Variants in RERGL observed in about 807,000 individuals in gnomAD.
The protein encoded by RERGL is ras-related and estrogen-regulated growth inhibitor-like protein.
In RERGL, 22 loss-of-function variants were observed where a neutral mutation model predicts 24.7. The observed-to-expected ratio is 0.89, with a 90% CI of 0.64 to 1.27. The LOEUF (loss-of-function observed/expected upper bound fraction) is 1.27. Ranked by LOEUF, RERGL falls within the 50% of genes most tolerant of loss-of-function variation. The pLI, the probability that RERGL is intolerant of heterozygous loss-of-function variation, is 0.00. For missense variants in RERGL, 259 were observed against 235.3 expected (o/e 1.10, Z -0.66); for synonymous variants, 76 against 82.6 (o/e 0.92, Z 0.43).
chr12:18,088,827 T>C, intron 2 of RERGL, 73 bp downstream of exon 2: 2 of 930,886 alleles, frequency 2.1e-6, no homozygotes, highest in Non-Finnish European at 3.6e-6. Flanking sequence ...TCAAAATGCA[T>C]CTCTGTACTT....
Position 18,081,084 on chromosome 12 carries a change from A to T in RERGL, c.*107T>A. 1.0e-6 allele frequency: 1 copy of T among 1,002,164 alleles called. No individual in the cohort carries two copies. Among genetic ancestry groups the T allele is most frequent in the Non-Finnish European group, 1.4e-6 (1 of 698,172 alleles). 62.1% of individuals were successfully genotyped at this position (1,002,164 alleles called of 1,614,324 possible). A position where few individuals can be genotyped will look rare whatever the true frequency, so the allele number is the denominator to read the frequency against. On this transcript the variant is annotated 3_prime_UTR_variant, in exon 5 of 5. Transcript: ENST00000538724. ...CATACTCAATCATTTCATATCTCCA[A>T]GAGAATTCTTTTTACCAAAAAAAAA... is the stretch of plus-strand genomic sequence containing the variant.
At chr12:18,088,875 A>C in intron 2 of RERGL, 25 bp downstream of exon 2, 1 of 1,470,132 alleles carries the variant, frequency 6.8e-7, no homozygotes, top group South Asian at 1.1e-5. Flanking sequence ...GTTTTAAGGT[A>C]AAAATGTCTA....
intron 4 of RERGL, among the ~76,000 whole-genome samples, chr12:18,083,219 G>A (rs966869467): frequency 2.0e-5 from 3 of 152,068 alleles, no homozygotes; most frequent in Non-Finnish European, 2.9e-5. Flanking sequence ...ATGAAATAGT[G>A]ATATATTTTG....
intron 2 of RERGL, among the ~76,000 whole-genome samples, chr12:18,086,318 G>A (rs1269765643): frequency 6.6e-6 from 1 of 151,982 alleles, no homozygotes; most frequent in Non-Finnish European, 1.5e-5. Flanking sequence ...AGCTAGTGAT[G>A]ATTTCCCCTC....
At chr12:18,084,017 C>T (rs1947196047) in intron 4 of RERGL, among the ~76,000 whole-genome samples, 1 of 152,076 alleles carries the variant, frequency 6.6e-6, no homozygotes, top group South Asian at 2.1e-4. Flanking sequence ...TTGATCAGCC[C>T]TTTAGGAGGT....
intron 2 of RERGL, among the ~76,000 whole-genome samples, chr12:18,088,473 T>TCCTATTA (rs1947240196): frequency 6.6e-6 from 1 of 152,118 alleles, no homozygotes; most frequent in Non-Finnish European, 1.5e-5. Flanking sequence ...GGCATAATTT[T>TCCTATTA]CCTATTATTT....
intron 3 of RERGL, 132 bp from the exon 4 acceptor site, chr12:18,084,797 A>C (rs1350100012): frequency 1.6e-6 from 1 of 614,980 alleles, no homozygotes; most frequent in East Asian, 3.1e-5. Flanking sequence ...TATTTTCTAA[A>C]ATATAGTTCT....
rs148736876 is a variant in RERGL, at chr12:18,082,507, A to G, written c.333-1034T>C. On this transcript the variant is annotated intron_variant, in intron 4 of 4. Coordinates refer to ENST00000538724, the MANE Select transcript of RERGL (RefSeq NM_001286201.2). Reference sequence around the variant, plus strand: ...AATTCAAAGTTTTAAAAATGGTAAAATAATCCTCCTCACACAGAATTCTCA... The same window carrying G: ...AATTCAAAGTTTTAAAAATGGTAAAGTAATCCTCCTCACACAGAATTCTCA... 3.3e-3 allele frequency among the ~76,000 whole-genome samples: 510 copies of G among 152,270 alleles called. 2 individuals are homozygous for G. Among genetic ancestry groups the G allele is most frequent in the Non-Finnish European group, 5.2e-3 (354 of 68,010 alleles).
intron 4 of RERGL, 122 bp downstream of exon 4, chr12:18,084,395 T>C (rs892658271): frequency 2.5e-6 from 2 of 785,028 alleles, no homozygotes; most frequent in African/African-American, 1.8e-5. Context: ...AATAGGAAGG[T>C]GAATTGTTCA....
In RERGL at chr12:18,082,069, G is replaced by T. The variant is rs957336770; in HGVS notation, c.333-596C>A. Reference sequence around the variant, plus strand: ...GCAGGAGAATCACTTGAATCCAGGAGTCAGAGGTTGCCGTGAGCCAAGATT... The same window carrying T: ...GCAGGAGAATCACTTGAATCCAGGATTCAGAGGTTGCCGTGAGCCAAGATT... On this transcript the variant is annotated intron_variant, in intron 4 of 4. Transcript: ENST00000538724. Among the ~76,000 whole-genome samples the T allele has an allele frequency of 4.6e-5, 7 of 151,284 alleles. No individual in the cohort carries two copies. The East Asian group carries it at 1.2e-3, about 25-fold the overall frequency.
intron 3 of RERGL, 128 bp from the exon 4 acceptor site, chr12:18,084,793 C>T: frequency 1.6e-6 from 1 of 638,050 alleles, no homozygotes; most frequent in South Asian, 3.4e-5. Flanking sequence ...TTGATATTTT[C>T]TAAAATATAG....
chr12:18,081,448 C>A lies in RERGL; in HGVS notation c.358G>T (p.Val120Phe), dbSNP rs1168366672. The A allele has an allele frequency of 1.2e-6, 2 of 1,610,452 alleles. No individual in the cohort carries two copies. Among genetic ancestry groups the A allele is most frequent in the Middle Eastern group, 1.7e-4 (1 of 6,042 alleles). ...KRAVESAVFLVGNKRDLCHVR... is the reference protein window; with the variant it reads ...KRAVESAVFLFGNKRDLCHVR... ...TGACAAAGATCTCGTTTGTTGCCAA[C>A]CAAAAACACTGCTGATTCCACAGCT... The change falls in exon 5 of 5, where the codon GTT becomes TTT. Residue 120 changes from valine (V) to phenylalanine (F), a missense_variant. Coordinates refer to ENST00000538724, the MANE Select transcript of RERGL (RefSeq NM_001286201.2).
At chr12:18,086,510 G>A (rs967765920) in intron 2 of RERGL, among the ~76,000 whole-genome samples, 3 of 152,134 alleles carry the variant, frequency 2.0e-5, no homozygotes, top group Admixed American at 1.3e-4. Context: ...TAGCATTAAT[G>A]TAGTTGATCA....
chr12:18,085,265 G>A (rs986991929), intron 3 of RERGL, among the ~76,000 whole-genome samples: 5 of 152,072 alleles, frequency 3.3e-5, no homozygotes, highest in Non-Finnish European at 5.9e-5. Context: ...ATTGACAACT[G>A]GTTAGTTATA....
At chr12:18,085,402 TC>T (rs575044367) in intron 3 of RERGL, among the ~76,000 whole-genome samples, 1 of 152,196 alleles carries the variant, frequency 6.6e-6, no homozygotes, top group Non-Finnish European at 1.5e-5. Context: ...TGTGATATGA[TC>T]ATTTTCGACA....
intron 1 of RERGL, among the ~76,000 whole-genome samples, chr12:18,089,615 C>T (rs147995819): frequency 8.5e-5 from 13 of 152,210 alleles, no homozygotes; most frequent in African/African-American, 1.7e-4. Context: ...CCAAGCCATG[C>T]GCCCCACAAA....
At chr12:18,090,033 C>T in intron 1 of RERGL, 56 bp downstream of exon 1, 1 of 1,303,326 alleles carries the variant, frequency 7.7e-7, no homozygotes, top group Non-Finnish European at 1.0e-6. Context: ...GTTAACATGT[C>T]AATGTTTCTC....
At chr12:18,082,753 C>T (rs1335437158) in intron 4 of RERGL, among the ~76,000 whole-genome samples, 1 of 152,034 alleles carries the variant, frequency 6.6e-6, no homozygotes, top group Non-Finnish European at 1.5e-5. Flanking sequence ...ATATTTATTG[C>T]TGTTTTTGCT....
At chr12:18,089,986 C>G in intron 1 of RERGL, 103 bp downstream of exon 1, 2 of 744,804 alleles carry the variant, frequency 2.7e-6, no homozygotes, top group Non-Finnish European at 3.9e-6. Flanking sequence ...GATATATTTT[C>G]ATATATATGA....
Sources: gnomAD v4.1 joint callset for allele counts (sites outside exome capture counted in the v4.1 genomes callset) on GRCh38, gnomAD v4.1.1 for gene constraint, MANE v1.5 for transcripts, NCBI Gene and HGNC (gene_info 2026-07-23, HGNC 2026-07-21) for gene names.